Variants in DNAI1 observed in about 807,000 individuals in gnomAD.
The protein encoded by DNAI1 is dynein, axonemal, intermediate polypeptide 1.
A neutral mutation model predicts 92.0 loss-of-function variants in DNAI1; 67 were observed. The observed-to-expected ratio is 0.73, with a 90% CI of 0.60 to 0.89. The LOEUF is 0.89. Among genes scored for constraint, DNAI1 ranks in the 40% least tolerant of loss-of-function variants. The pLI is 0.00. For synonymous variants in DNAI1, 323 were observed against 319.6 expected, an observed-to-expected ratio of 1.01 and a Z score of -0.11; for missense variants, 839 against 866.6, an observed-to-expected ratio of 0.97 and a Z score of 0.40.
rs377430984 is a variant in DNAI1, at chr9:34,490,530, G to A, written c.621+42G>A. ...CCTAGCCCCTTTGCAGCTCTTCACTGTGCCTGGCAGGGAAGAAGCAGGCCT... is the reference window on the plus strand; with the variant it reads ...CCTAGCCCCTTTGCAGCTCTTCACTATGCCTGGCAGGGAAGAAGCAGGCCT... On this transcript the variant is annotated intron_variant, in intron 7 of 19. Transcript: ENST00000242317. 24 of 1,613,124 alleles carry A rather than the reference G, an allele frequency of 1.5e-5. No individual in the cohort carries two copies. The East Asian group carries it at 5.3e-4, about 36-fold the overall frequency.
rs928415321 is a variant in DNAI1, at chr9:34,458,819, C to T, written c.-187C>T. On this transcript the variant is annotated 5_prime_UTR_variant, in exon 1 of 20. Coordinates refer to ENST00000242317, the MANE Select transcript of DNAI1 (RefSeq NM_012144.4). This position sits in a 1 kb window ranked among gnomAD's most constrained non-coding sequence, Gnocchi z 6.6. ...GGCTGCTGGTCGGTTGCTGGGTAAC[C>T]GCGTCAGGGAGTTGGATTCTATCCT... 1.1e-5 allele frequency: 7 copies of T among 655,514 alleles called. No homozygotes were observed. In the African/African-American group the frequency reaches 1.1e-4, roughly 10 times the overall value. 40.6% of individuals were successfully genotyped at this position (655,514 alleles called of 1,614,324 possible).
chr9:34,507,715 A>G (rs1186921134), intron 13 of DNAI1, among the ~76,000 whole-genome samples: 11 of 152,176 alleles, frequency 7.2e-5, no homozygotes, highest in African/African-American at 9.7e-5. Context: ...CATCTGGGCT[A>G]GATTTGGGGA....
At chr9:34,469,774 T>C (rs758045273) in intron 1 of DNAI1, among the ~76,000 whole-genome samples, 1 of 152,066 alleles carries the variant, frequency 6.6e-6, no homozygotes. Flanking sequence ...GAGACAGCGT[T>C]TCACTATGTT....
intron 15 of DNAI1, among the ~76,000 whole-genome samples, chr9:34,512,667 G>A (rs576970339): frequency 6.6e-6 from 1 of 152,246 alleles, no homozygotes; most frequent in Non-Finnish European, 1.5e-5. Context: ...CAGATCAGGT[G>A]CTGTTATGCA....
Position 34,520,810 on chromosome 9 carries a change from GACCCTGGT to G in DNAI1, c.*59_*66del, listed in dbSNP as rs1825268376. On this transcript the variant is annotated 3_prime_UTR_variant, in exon 20 of 20. Coordinates refer to ENST00000242317, the MANE Select transcript of DNAI1 (RefSeq NM_012144.4). The stretch of plus-strand genomic sequence containing the variant: ...CTTGAATACAGTACTCCTAGGGCTT[GACCCTGGT>G]ACCCAGCCCAGCCTTAGCACCCAGC... The G allele has an allele frequency of 6.5e-7, 1 of 1,527,994 alleles. No homozygotes were observed. The highest frequency in any genetic ancestry group is 2.0e-5 in the Admixed American group (1 of 50,960). The allele number at this position is 1,527,994 out of a possible 1,614,324, so 94.7% of individuals were successfully genotyped here. A position where few individuals can be genotyped will look rare whatever the true frequency, so the allele number is the denominator to read the frequency against.
intron 1 of DNAI1, 136 bp from the exon 2 acceptor site, chr9:34,483,312 T>C (rs961527299): frequency 1.9e-5 from 16 of 831,842 alleles, no homozygotes; most frequent in Non-Finnish European, 2.7e-5. Context: ...GCGAGGGCTC[T>C]GAGGACTGCC....
chr9:34,510,845 G>T (rs1414033278), intron 13 of DNAI1, among the ~76,000 whole-genome samples: 1 of 152,158 alleles, frequency 6.6e-6, no homozygotes, highest in Non-Finnish European at 1.5e-5. Context: ...TATTAGGGCT[G>T]ACTCTGACTT....
In DNAI1 at chr9:34,520,770, GTC is replaced by G; in HGVS notation, c.*18_*19del. On this transcript the variant is annotated 3_prime_UTR_variant, in exon 20 of 20. Transcript: ENST00000242317. ...ATCAAGACCTGAGGGGCTGGCCTCA[GTC>G]TCTGTCCCATCGCTTGAATACAGTA... The G allele has an allele frequency of 6.4e-7, 1 of 1,551,484 alleles. No homozygotes were observed. The highest frequency in any genetic ancestry group is 8.7e-7 in the Non-Finnish European group (1 of 1,146,812).
At chr9:34,512,569 C>T (rs1213892086) in intron 15 of DNAI1, 145 bp downstream of exon 15, 3 of 800,442 alleles carry the variant, frequency 3.7e-6, no homozygotes, top group African/African-American at 1.7e-5. Flanking sequence ...AAGGCCCGGC[C>T]CTGTCTGCTG....
chr9:34,506,044 G>C (rs1380301277), intron 12 of DNAI1, among the ~76,000 whole-genome samples: 2 of 152,176 alleles, frequency 1.3e-5, no homozygotes, highest in Non-Finnish European at 1.5e-5. Flanking sequence ...CCCAGGTCAA[G>C]TGGGCCTGTG....
At chr9:34,481,233 ACT>A (rs1483165017) in intron 1 of DNAI1, among the ~76,000 whole-genome samples, 4 of 152,196 alleles carry the variant, frequency 2.6e-5, no homozygotes, top group East Asian at 1.9e-4. Context: ...AAAGAGTGAA[ACT>A]CTGTCTCAAA....
At chr9:34,511,916 A>G (rs1825071861) in intron 13 of DNAI1, among the ~76,000 whole-genome samples, 193 bp from the exon 14 acceptor site, 3 of 152,164 alleles carry the variant, frequency 2.0e-5, no homozygotes, top group Admixed American at 2.0e-4. Flanking sequence ...GGAATGAGAA[A>G]TCCCCAAGAA....
intron 1 of DNAI1, among the ~76,000 whole-genome samples, chr9:34,481,445 A>C (rs1161733833): frequency 6.6e-6 from 1 of 152,198 alleles, no homozygotes; most frequent in Non-Finnish European, 1.5e-5. Flanking sequence ...GGCTGGGCGC[A>C]AAAGAATATG....
At chr9:34,512,966 G>A in intron 15 of DNAI1, 146 bp from the exon 16 acceptor site, 1 of 765,282 alleles carries the variant, frequency 1.3e-6, no homozygotes, top group Non-Finnish European at 2.4e-6. Flanking sequence ...CCTGGTCCCA[G>A]CCCTTACAGG....
At chr9:34,468,470 T>C (rs937149789) in intron 1 of DNAI1, among the ~76,000 whole-genome samples, 1 of 151,562 alleles carries the variant, frequency 6.6e-6, no homozygotes, top group Non-Finnish European at 1.5e-5. Context: ...ATTACAGGCG[T>C]GAGCCACCAC....
At chr9:34,496,905 C>G (rs1028660767) in intron 9 of DNAI1, among the ~76,000 whole-genome samples, 4 of 152,170 alleles carry the variant, frequency 2.6e-5, no homozygotes, top group Non-Finnish European at 4.4e-5. Context: ...AGCTCAGACC[C>G]TTTGTGCCAC....
At position 34,512,319 on chromosome 9, in the gene DNAI1, CTCTG is replaced by C; in HGVS notation, c.1402-12_1402-9del. Reference sequence around the variant, plus strand: ...CCCACGTGCCCTCCCCCCCACATCCCTCTGTCTGTGGCTACAGAGAAAGCTGGTT... The same window carrying C: ...CCCACGTGCCCTCCCCCCCACATCCCTCTGTGGCTACAGAGAAAGCTGGTT... On this transcript the variant is annotated splice_polypyrimidine_tract_variant and intron_variant, in intron 14 of 19. Coordinates refer to ENST00000242317, the MANE Select transcript of DNAI1 (RefSeq NM_012144.4). 1.9e-6 allele frequency: 3 copies of C among 1,613,602 alleles called. No homozygotes were observed. The highest frequency in any genetic ancestry group is 1.1e-5 in the South Asian group (1 of 91,072).
At chr9:34,516,750 T>C (rs1184857886) in intron 18 of DNAI1, among the ~76,000 whole-genome samples, 3 of 151,314 alleles carry the variant, frequency 2.0e-5, no homozygotes, top group Non-Finnish European at 3.0e-5. Flanking sequence ...TTTTCTTTTT[T>C]TTTTTTTTTG....
chr9:34,511,812 C>G (rs2132080970), intron 13 of DNAI1, among the ~76,000 whole-genome samples: 1 of 152,298 alleles, frequency 6.6e-6, no homozygotes, highest in South Asian at 2.1e-4. Flanking sequence ...GCTCCTGGAA[C>G]CCAACCCAGG....
Sources: allele counts gnomAD v4.1 joint callset (sites outside exome capture counted in the v4.1 genomes callset), GRCh38; gene constraint gnomAD v4.1.1; non-coding constraint Gnocchi (gnomAD v3.1); transcripts MANE v1.5; gene names NCBI Gene and HGNC (gene_info 2026-07-23, HGNC 2026-07-21).